Variants in RB1 observed in about 807,000 individuals in gnomAD.
The protein encoded by RB1 is RB transcriptional corepressor 1, also known as retinoblastoma-associated protein.
In RB1, 18 loss-of-function variants were observed where a neutral mutation model predicts 135.4. That is an observed-to-expected ratio of 0.13 (90% CI 0.09 to 0.20). RB1 has a LOEUF of 0.20. Among genes scored for constraint, RB1 ranks in the 10% least tolerant of loss-of-function variants. The pLI, the probability that RB1 is intolerant of heterozygous loss-of-function variation, is 1.00. For synonymous variants in RB1, 365 were observed against 373.2 expected (o/e 0.98, Z 0.25); for missense variants, 868 against 1,110.0 (o/e 0.78, Z 3.10).
intron 2 of RB1, among the ~76,000 whole-genome samples, chr13:48,334,691 T>A (rs1200355606): frequency 6.6e-6 from 1 of 152,180 alleles, no homozygotes; most frequent in Non-Finnish European, 1.5e-5. Context: ...GTAGTACTTT[T>A]CTGATAGTTC....
chr13:48,350,081 A>G (rs1476786378), intron 6 of RB1, among the ~76,000 whole-genome samples: 1 of 152,152 alleles, frequency 6.6e-6, no homozygotes, highest in Admixed American at 6.5e-5. Context: ...AGGCCCCAAT[A>G]CAATAGAAAT....
chr13:48,314,716 G>T (rs891031539), intron 2 of RB1, among the ~76,000 whole-genome samples: 1 of 151,488 alleles, frequency 6.6e-6, no homozygotes, highest in Non-Finnish European at 1.5e-5. Flanking sequence ...CAGGAGAATC[G>T]CTTGAACCCG....
At chr13:48,420,058 T>C (rs905463098) in intron 17 of RB1, among the ~76,000 whole-genome samples, 1 of 152,180 alleles carries the variant, frequency 6.6e-6, no homozygotes, top group African/African-American at 2.4e-5. Context: ...ATCATCCTGA[T>C]ACCATAACCT....
In RB1 at chr13:48,317,218, C is replaced by T. The variant is rs1952192159; in HGVS notation, c.264+9812C>T. 1.4e-5 allele frequency: 6 copies of T among 434,968 alleles called. No individual in the cohort carries two copies. The South Asian group carries it at 3.5e-4, about 25-fold the overall frequency. 26.9% of individuals were successfully genotyped at this position (434,968 alleles called of 1,614,324 possible). On this transcript the variant is annotated intron_variant, in intron 2 of 26. Coordinates refer to ENST00000267163, the MANE Select transcript of RB1 (RefSeq NM_000321.3). ...GGCTGAAGAGGCTGGCCTGCCTGCC[C>T]CCCTGGGAGACACCCTTTCCAAAAT... is the stretch of plus-strand genomic sequence containing the variant.
rs538854775 is a variant in RB1 at position 48,307,149 on chromosome 13, A to G, written c.138-131A>G. ...AAGTGTAATGTTTTTCTAAGATAAA[A>G]TAAGATCTTAAAGTATTTAATAATG... On this transcript the variant is annotated intron_variant, in intron 1 of 26. Coordinates refer to ENST00000267163, the MANE Select transcript of RB1 (RefSeq NM_000321.3). The G allele has an allele frequency of 6.1e-4, 422 of 691,560 alleles. 5 individuals carry two copies. In the South Asian group the frequency reaches 7.2e-3, roughly 12 times the overall value. 42.8% of individuals were successfully genotyped at this position (691,560 alleles called of 1,614,324 possible). A position where few individuals can be genotyped will look rare whatever the true frequency, so the allele number is the denominator to read the frequency against.
intron 18 of RB1, among the ~76,000 whole-genome samples, chr13:48,454,423 T>C (rs1347145411): frequency 1.3e-5 from 2 of 152,232 alleles, no homozygotes; most frequent in African/African-American, 2.4e-5. Context: ...GTTTCCTAAG[T>C]AATGCATTGT....
chr13:48,334,841 G>T (rs1429729573), intron 2 of RB1, among the ~76,000 whole-genome samples: 1 of 152,088 alleles, frequency 6.6e-6, no homozygotes, highest in African/African-American at 2.4e-5. Flanking sequence ...GGTATAATTG[G>T]TAATCTCTTC....
chr13:48,465,974 C>T (rs1949440318), intron 23 of RB1, among the ~76,000 whole-genome samples: 2 of 144,442 alleles, frequency 1.4e-5, no homozygotes, highest in Non-Finnish European at 3.1e-5. Flanking sequence ...GGCAGCGAGG[C>T]TGGGGGAGGG....
rs2138084167 is a variant in RB1 at position 48,342,719 on chromosome 13, A to T, written c.380+5A>T. ...ACAGAAAAACATAGAAATCAGGTAA[A>T]GTTTCTTGTATAAATATAAGCCTCT... On this transcript the variant is annotated splice_donor_5th_base_variant and intron_variant, in intron 3 of 26. Coordinates refer to ENST00000267163, the MANE Select transcript of RB1 (RefSeq NM_000321.3). 6.4e-7 allele frequency: 1 copy of T among 1,563,158 alleles called. No individual in the cohort carries two copies. Among genetic ancestry groups the T allele is most frequent in the Admixed American group, 1.7e-5 (1 of 59,892 alleles).
intron 2 of RB1, among the ~76,000 whole-genome samples, chr13:48,316,404 A>G (rs570740099): frequency 1.3e-5 from 2 of 152,112 alleles, no homozygotes; most frequent in African/African-American, 2.4e-5. Flanking sequence ...ACCGACGGAC[A>G]TTCTCACCAG....
intron 17 of RB1, among the ~76,000 whole-genome samples, chr13:48,448,283 T>G (rs1949303040): frequency 6.6e-6 from 1 of 152,178 alleles, no homozygotes; most frequent in South Asian, 2.1e-4. Context: ...AAAAGATGAC[T>G]TGTCAACAAA....
At chr13:48,351,248 A>T (rs747125537) in intron 6 of RB1, among the ~76,000 whole-genome samples, 1 of 152,074 alleles carries the variant, frequency 6.6e-6, no homozygotes, top group African/African-American at 2.4e-5. Context: ...AGTATCTGTT[A>T]TTTTTTGACT....
At chr13:48,375,113 C>T (rs1000339641) in intron 12 of RB1, among the ~76,000 whole-genome samples, 1 of 152,116 alleles carries the variant, frequency 6.6e-6, no homozygotes, top group Non-Finnish European at 1.5e-5. Flanking sequence ...TCCAATCCAC[C>T]ACTGAAGGGC....
intron 17 of RB1, among the ~76,000 whole-genome samples, chr13:48,394,242 A>C (rs930520645): frequency 6.6e-6 from 1 of 152,218 alleles, no homozygotes; most frequent in Non-Finnish European, 1.5e-5. Flanking sequence ...CTTTTCCCAC[A>C]GTCTTCGCAA....
chr13:48,445,636 C>T (rs1949280969), intron 17 of RB1, among the ~76,000 whole-genome samples: 1 of 152,162 alleles, frequency 6.6e-6, no homozygotes, highest in Non-Finnish European at 1.5e-5. Context: ...TCCTTGAACC[C>T]ACCCCATCCA....
At chr13:48,320,259 G>A in intron 2 of RB1, 1 of 1,163,720 alleles carries the variant, frequency 8.6e-7, no homozygotes, top group South Asian at 1.3e-5. Flanking sequence ...CTGCCCTGTG[G>A]CCCCTCTGTG....
At chr13:48,317,025 G>C (rs922149241) in intron 2 of RB1, 1 of 597,708 alleles carries the variant, frequency 1.7e-6, no homozygotes, top group Non-Finnish European at 2.7e-6. Flanking sequence ...CTCCGAGCCC[G>C]AGTTCCTCCT....
At chr13:48,362,226 G>A (rs560429440) in intron 7 of RB1, among the ~76,000 whole-genome samples, 2 of 152,070 alleles carry the variant, frequency 1.3e-5, no homozygotes, top group Non-Finnish European at 2.9e-5. Flanking sequence ...GATTACAGGC[G>A]TGAGCCACCA....
intron 17 of RB1, among the ~76,000 whole-genome samples, chr13:48,425,976 G>C (rs1221137403): frequency 6.6e-6 from 1 of 152,188 alleles, no homozygotes; most frequent in East Asian, 1.9e-4. Flanking sequence ...GTCCTCACAA[G>C]AAGTACCCAA....
Sources: gnomAD v4.1 joint callset for allele counts (sites outside exome capture counted in the v4.1 genomes callset) on GRCh38, gnomAD v4.1.1 for gene constraint, MANE v1.5 for transcripts, NCBI Gene and HGNC (gene_info 2026-07-23, HGNC 2026-07-21) for gene names.